PLXDC2: variants seen among roughly 807,000 people sequenced by gnomAD.
The protein encoded by PLXDC2 is plexin domain containing 2.
In PLXDC2, 40 loss-of-function variants were observed where a neutral mutation model predicts 68.9. The observed-to-expected ratio is 0.58, with a 90% CI of 0.45 to 0.76. PLXDC2 has a LOEUF of 0.76. Among genes scored for constraint, PLXDC2 ranks in the 30% least tolerant of loss-of-function variants. The probability of loss-of-function intolerance (pLI) is 0.00; values close to 1 mark genes in which losing one functional copy is unlikely to be tolerated. For synonymous variants in PLXDC2, 243 were observed against 234.2 expected, an observed-to-expected ratio of 1.04 and a Z score of -0.34; for missense variants, 644 against 661.9, an observed-to-expected ratio of 0.97 and a Z score of 0.30.
chr10:20,096,230 C>T (rs1833347692), intron 4 of PLXDC2, among the ~76,000 whole-genome samples: 1 of 152,164 alleles, frequency 6.6e-6, no homozygotes, highest in Non-Finnish European at 1.5e-5. Flanking sequence ...TCTCTCTGTG[C>T]ACGTTTCAGT....
chr10:20,123,879 A>C (rs530662064), intron 4 of PLXDC2, among the ~76,000 whole-genome samples: 8 of 151,916 alleles, frequency 5.3e-5, no homozygotes, highest in Non-Finnish European at 1.2e-4. Context: ...GTGCAGAGAT[A>C]TAAGAGCTTG....
At chr10:19,878,137 A>G (rs188795672) in intron 1 of PLXDC2, among the ~76,000 whole-genome samples, 3 of 152,144 alleles carry the variant, frequency 2.0e-5, no homozygotes, top group South Asian at 2.1e-4. Flanking sequence ...TGGCTATAAC[A>G]TATGTGGAAT....
At chr10:19,897,608 A>G (rs968343099) in intron 1 of PLXDC2, among the ~76,000 whole-genome samples, 36 of 152,254 alleles carry the variant, frequency 2.4e-4, no homozygotes, top group African/African-American at 8.7e-4. Flanking sequence ...ACATAAGTAC[A>G]TGCTTCTGTG....
chr10:20,138,225 A>G (rs770506450), intron 4 of PLXDC2, among the ~76,000 whole-genome samples: 3 of 152,170 alleles, frequency 2.0e-5, no homozygotes, highest in Non-Finnish European at 4.4e-5. Flanking sequence ...TGCCTTACCT[A>G]TTTTACTTTA....
At chr10:19,958,843 A>C (rs1015207056) in intron 1 of PLXDC2, among the ~76,000 whole-genome samples, 9 of 146,742 alleles carry the variant, frequency 6.1e-5, no homozygotes, top group African/African-American at 2.1e-4. Flanking sequence ...TTGTTTTTCA[A>C]ATTAAGTTCT....
chr10:20,043,122 T>A (rs1250818524), intron 2 of PLXDC2, among the ~76,000 whole-genome samples: 1 of 152,184 alleles, frequency 6.6e-6, no homozygotes, highest in Non-Finnish European at 1.5e-5. Context: ...AATGTCACAT[T>A]TTTGAGAAAT....
chr10:20,279,913 C>A lies in PLXDC2; in HGVS notation c.*94C>A. 1.1e-6 allele frequency: 1 copy of A among 900,388 alleles called. No individual in the cohort carries two copies. Among genetic ancestry groups the A allele is most frequent in the Non-Finnish European group, 1.8e-6 (1 of 554,142 alleles). 55.8% of individuals were successfully genotyped at this position (900,388 alleles called of 1,614,324 possible). A position where few individuals can be genotyped will look rare whatever the true frequency, so the allele number is the denominator to read the frequency against. Reference sequence around the variant, plus strand: ...TAAGACAAACAAACAAACACACACACAAACAAGCTCTAAGCTGCTGTAGCC... The same window carrying A: ...TAAGACAAACAAACAAACACACACAAAAACAAGCTCTAAGCTGCTGTAGCC... On this transcript the variant is annotated 3_prime_UTR_variant, in exon 14 of 14. Transcript: ENST00000377252.
intron 1 of PLXDC2, among the ~76,000 whole-genome samples, chr10:19,901,704 G>T (rs910852916): frequency 2.6e-5 from 4 of 151,950 alleles, no homozygotes; most frequent in Non-Finnish European, 4.4e-5. Flanking sequence ...TATTTATTTT[G>T]TTTTTGTTGC....
chr10:20,262,675 C>G (rs1023996706), intron 13 of PLXDC2, among the ~76,000 whole-genome samples: 2 of 152,226 alleles, frequency 1.3e-5, no homozygotes, highest in Non-Finnish European at 2.9e-5. Flanking sequence ...TGGGACCTCC[C>G]AACCACAGCC....
chr10:20,010,379 C>T (rs7912767), intron 2 of PLXDC2, among the ~76,000 whole-genome samples: 60,748 of 151,890 alleles, frequency 0.4, 12,479 homozygotes, highest in East Asian at 0.54. Context: ...GAAAGTGTAC[C>T]GAAAATAGTA....
At chr10:20,029,338 T>A (rs1835459709) in intron 2 of PLXDC2, among the ~76,000 whole-genome samples, 2 of 152,202 alleles carry the variant, frequency 1.3e-5, no homozygotes, top group East Asian at 3.9e-4. Flanking sequence ...CCTTCATACC[T>A]CCCACATACA....
At chr10:20,044,211 GTCTT>G (rs1226746835) in intron 2 of PLXDC2, among the ~76,000 whole-genome samples, 5,713 of 68,102 alleles carry the variant, frequency 0.084, 364 homozygotes, top group Non-Finnish European at 0.1. Context: ...CTCTCTCTCT[GTCTT>G]TCTTTCTTTC....
In PLXDC2 at chr10:19,867,387, C is replaced by T. The variant is rs138044016; in HGVS notation, c.112+50196C>T. ...GCCTCCGTTCCCTCTTGTCTGAGGC[C>T]TATGTGACAGGGCTCAGCATTTTCC... is the stretch of plus-strand genomic sequence containing the variant. On this transcript the variant is annotated intron_variant, in intron 1 of 13. Transcript: ENST00000377252. Among the ~76,000 whole-genome samples, 39 of 152,190 alleles carry T rather than the reference C, an allele frequency of 2.6e-4. No individual in the cohort carries two copies. In the East Asian group the frequency reaches 7.3e-3, roughly 29 times the overall value.
chr10:19,890,542 GT>G (rs71388876), intron 1 of PLXDC2, among the ~76,000 whole-genome samples: 54 of 139,438 alleles, frequency 3.9e-4, no homozygotes, highest in Middle Eastern at 3.6e-3. Flanking sequence ...CTGAGACGGG[GT>G]TTTTTTTTTT....
intron 4 of PLXDC2, among the ~76,000 whole-genome samples, chr10:20,092,640 T>C (rs1833295740): frequency 6.6e-6 from 1 of 152,090 alleles, no homozygotes; most frequent in African/African-American, 2.4e-5. Context: ...ACAAAGATAT[T>C]GGGTCCCAAT....
At chr10:20,088,989 T>C (rs139083852) in intron 4 of PLXDC2, among the ~76,000 whole-genome samples, 1 of 152,308 alleles carries the variant, frequency 6.6e-6, no homozygotes, top group Non-Finnish European at 1.5e-5. Context: ...TCACAACTCA[T>C]TGTGAAACTC....
At chr10:19,837,132 T>C (rs1414979248) in intron 1 of PLXDC2, among the ~76,000 whole-genome samples, 3 of 151,888 alleles carry the variant, frequency 2.0e-5, no homozygotes, top group Non-Finnish European at 2.9e-5. Flanking sequence ...AGTTGTTTTA[T>C]AAGATTGTTT....
At chr10:19,983,363 A>G (rs1464803189) in intron 1 of PLXDC2, among the ~76,000 whole-genome samples, 2 of 152,230 alleles carry the variant, frequency 1.3e-5, no homozygotes, top group East Asian at 1.9e-4. Flanking sequence ...TTTCTTTACT[A>G]AGCATTTTTC....
intron 1 of PLXDC2, among the ~76,000 whole-genome samples, chr10:19,973,708 A>C (rs563067050): frequency 4.6e-5 from 7 of 152,190 alleles, no homozygotes; most frequent in Non-Finnish European, 1.0e-4. Flanking sequence ...TCTGAGAGGA[A>C]GTGGTTGGGG....
Sources: gnomAD v4.1 joint callset for allele counts (sites outside exome capture counted in the v4.1 genomes callset) on GRCh38, gnomAD v4.1.1 for gene constraint, MANE v1.5 for transcripts, NCBI Gene and HGNC (gene_info 2026-07-23, HGNC 2026-07-21) for gene names.